The following ANKRD11 variants were observed in gnomAD, a reference collection of about 807,000 sequenced individuals.
ANKRD11 encodes ankyrin repeat domain 11.
Under a neutral mutation model 195.7 loss-of-function variants are expected in ANKRD11, and 17 were observed. The observed-to-expected ratio is 0.09, with a 90% CI of 0.06 to 0.13. The LOEUF (loss-of-function observed/expected upper bound fraction) is 0.13, where lower values mean the gene tolerates loss of function less well. ANKRD11 is among the 10% of genes least tolerant of loss of function. The pLI, the probability that ANKRD11 is intolerant of heterozygous loss-of-function variation, is 1.00. For missense variants in ANKRD11, 3,735 were observed against 3,566.1 expected, an observed-to-expected ratio of 1.05 and a Z score of -1.21; for synonymous variants, 1,953 against 1,528.1, an observed-to-expected ratio of 1.28 and a Z score of -6.49.
intron 7 of ANKRD11, 106 bp from the exon 8 acceptor site, chr16:89,286,292 A>C: frequency 6.7e-7 from 1 of 1,495,634 alleles, no homozygotes; most frequent in South Asian, 1.1e-5. Flanking sequence ...GTTCGACCCG[A>C]GAGCAGCCCC....
intron 11 of ANKRD11, chr16:89,272,854 G>A (rs995585358): frequency 2.6e-5 from 4 of 152,116 alleles, no homozygotes; most frequent in African/African-American, 7.2e-5. Context: ...TTGCAAACAC[G>A]TGGATGGAAC....
intron 11 of ANKRD11, chr16:89,272,408 A>AC (rs2033242171): frequency 6.6e-6 from 1 of 152,374 alleles, no homozygotes; most frequent in Non-Finnish European, 1.5e-5. Flanking sequence ...GACCCAAAAG[A>AC]AAGAAACTGG....
Position 89,326,861 on chromosome 16 carries a change from G to C in ANKRD11, c.-59-9783C>G, listed in dbSNP as rs8051745. On this transcript the variant is annotated intron_variant, in intron 2 of 12. Transcript: ENST00000301030. ...GCTTAACACAAAGCCTGCCCGCCAGGGGCTGCTGGTGGCATCCGGGCACAT... is the reference window on the plus strand; with the variant it reads ...GCTTAACACAAAGCCTGCCCGCCAGCGGCTGCTGGTGGCATCCGGGCACAT... 1.3e-3 allele frequency among the ~76,000 whole-genome samples: 204 copies of C among 152,322 alleles called. 1 individual carries two copies. Among genetic ancestry groups the C allele is most frequent in the African/African-American group, 4.7e-3 (195 of 41,574 alleles).
chr16:89,283,097 G>A lies in ANKRD11; in HGVS notation c.3445C>T (p.Leu1149Phe). 1.2e-6 allele frequency: 2 copies of A among 1,613,940 alleles called. No individual in the cohort carries two copies. Among genetic ancestry groups the A allele is most frequent in the Admixed American group, 1.7e-5 (1 of 60,024 alleles). The part of the protein sequence containing the change: ...EASDLPRTDG[L>F]QEKEEGREAY... ...TCCCGTCCTTCCTCCTTCTCCTGGA[G>A]GCCGTCCGTCCTCGGCAAGTCGCTG... is the stretch of plus-strand genomic sequence containing the variant. Residue 1149 changes from leucine to phenylalanine, a missense_variant, in exon 9 of 13, where the codon CTC becomes TTC. Physicochemically the swap from Leu to Phe is conservative, Grantham distance 22 (BLOSUM62 0). Transcript: ENST00000301030. The surrounding 1 kb of genome is among the most constrained non-coding windows in gnomAD (Gnocchi z 4.3).
intron 2 of ANKRD11, among the ~76,000 whole-genome samples, chr16:89,414,879 G>A (rs1195859955): frequency 6.6e-6 from 1 of 152,166 alleles, no homozygotes; most frequent in African/African-American, 2.4e-5. Context: ...CCACCCCAAG[G>A]AATCAAAGTG....
chr16:89,346,899 G>A (rs550220408), intron 2 of ANKRD11, among the ~76,000 whole-genome samples: 2 of 152,314 alleles, frequency 1.3e-5, no homozygotes, highest in South Asian at 4.1e-4. Flanking sequence ...AAAGTCAAAG[G>A]TGAGTTTTAT....
chr16:89,335,255 AC>A (rs1260547761), intron 2 of ANKRD11, among the ~76,000 whole-genome samples: 1 of 151,778 alleles, frequency 6.6e-6, no homozygotes, highest in Non-Finnish European at 1.5e-5. Flanking sequence ...GCCTCACACC[AC>A]CCCTGTTCCC....
chr16:89,402,476 T>A (rs1834067038), intron 2 of ANKRD11, among the ~76,000 whole-genome samples: 2 of 151,904 alleles, frequency 1.3e-5, no homozygotes, highest in South Asian at 4.2e-4. Context: ...CTCCAAGAGT[T>A]CAAGAGCATC....
chr16:89,320,630 C>A (rs1188160380), intron 2 of ANKRD11, among the ~76,000 whole-genome samples: 1 of 152,046 alleles, frequency 6.6e-6, no homozygotes, highest in African/African-American at 2.4e-5. Context: ...GGTGGGAGTC[C>A]CCCACACGAG....
chr16:89,486,447 CAA>C (rs113833196), intron 1 of ANKRD11, among the ~76,000 whole-genome samples: 69 of 103,146 alleles, frequency 6.7e-4, no homozygotes, highest in Non-Finnish European at 5.3e-4. Flanking sequence ...GACCCTGCCT[CAA>C]AAAAAAAAAA....
Position 89,285,274 on chromosome 16 carries a change from C to T in ANKRD11, c.1268G>A (p.Gly423Glu). Residue 423 changes from glycine (G) to glutamate (E), a missense_variant, in exon 9 of 13, where the codon GGA becomes GAA. Coordinates refer to ENST00000301030, the MANE Select transcript of ANKRD11 (RefSeq NM_013275.6). The surrounding 1 kb of genome is among the most constrained non-coding windows in gnomAD (Gnocchi z 5.6). Reference protein sequence around the residue: ...EEDASVTVGTGEKLRLSAHTI... With the variant: ...EEDASVTVGTEEKLRLSAHTI... ...ATGTGCCGAGAGTCTCAGCTTCTCT[C>T]CTGTCCCCACGGTGACACTCGCGTC... 1 of 1,613,944 alleles carries T rather than the reference C, an allele frequency of 6.2e-7. No homozygotes were observed. The highest frequency in any genetic ancestry group is 8.5e-7 in the Non-Finnish European group (1 of 1,180,038).
chr16:89,273,696 A>T lies in ANKRD11; in HGVS notation c.7713+1118T>A, dbSNP rs1310988649. On this transcript the variant is annotated intron_variant, in intron 11 of 12. Transcript: ENST00000301030. ...TGGCAACAGAGCGAGACTCCGTCACAAAAAAAAAAAGGAAAATAAAATTTG... is the reference window on the plus strand; with the variant it reads ...TGGCAACAGAGCGAGACTCCGTCACTAAAAAAAAAAGGAAAATAAAATTTG... Among the ~76,000 whole-genome samples the T allele has an allele frequency of 7.7e-5, 10 of 129,308 alleles. No homozygotes were observed. In the East Asian group the frequency reaches 2.0e-3, roughly 25 times the overall value. 84.8% of individuals were successfully genotyped at this position (129,308 alleles called of 152,430 possible). A position where few individuals can be genotyped will look rare whatever the true frequency, so the allele number is the denominator to read the frequency against.
At chr16:89,315,535 CGT>C (rs900603589) in intron 3 of ANKRD11, among the ~76,000 whole-genome samples, 7 of 152,202 alleles carry the variant, frequency 4.6e-5, no homozygotes, top group Non-Finnish European at 7.3e-5. Context: ...TTCACACACA[CGT>C]GTGTCCCCGC....
At chr16:89,417,660 A>G (rs1043462530) in intron 2 of ANKRD11, among the ~76,000 whole-genome samples, 1 of 152,220 alleles carries the variant, frequency 6.6e-6, no homozygotes, top group Non-Finnish European at 1.5e-5. Context: ...TAGAGGGTTC[A>G]GCAACAGCAC....
rs959720692 is a variant in ANKRD11 at position 89,281,896 on chromosome 16, C to T, written c.4646G>A (p.Ser1549Asn). The T allele has an allele frequency of 6.2e-7, 1 of 1,613,600 alleles. No individual in the cohort carries two copies. Among genetic ancestry groups the T allele is most frequent in the African/African-American group, 1.3e-5 (1 of 74,912 alleles). Reference protein sequence around the residue: ...EKEKGDPVKMSNGNDKVAPSK... With the variant: ...EKEKGDPVKMNNGNDKVAPSK... ...TGGCGCTACCTTATCATTCCCGTTG[C>T]TCATCTTCACTGGGTCGCCCTTTTC... Residue 1549 changes from serine to asparagine, a missense_variant, in exon 9 of 13, where the codon AGC becomes AAC. Ser to Asn is a conservative substitution (Grantham distance 46). Transcript: ENST00000301030. The surrounding 1 kb of genome is among the most constrained non-coding windows in gnomAD (Gnocchi z 5.5).
chr16:89,490,104 C>T (rs1427106806), intron 1 of ANKRD11, 141 bp downstream of exon 1: 1 of 142,240 alleles, frequency 7.0e-6, no homozygotes, highest in African/African-American at 2.6e-5. Flanking sequence ...AAGACCCCCG[C>T]CCACCCGGCC....
intron 9 of ANKRD11, chr16:89,277,793 C>G (rs62070780): frequency 0.1 from 15,962 of 152,856 alleles, 1,137 homozygotes; most frequent in East Asian, 0.37. Context: ...GCACAACGTC[C>G]CTGACATGTC....
intron 1 of ANKRD11, among the ~76,000 whole-genome samples, chr16:89,483,253 G>A (rs759367918): frequency 2.6e-5 from 4 of 152,148 alleles, no homozygotes; most frequent in African/African-American, 4.8e-5. Context: ...AAACTTCACC[G>A]TACCATTAGC....
rs1036971763 is a variant in ANKRD11 at position 89,474,591 on chromosome 16, T to C, written c.-145+15654A>G. On this transcript the variant is annotated intron_variant, in intron 1 of 12. Transcript: ENST00000301030. ...CTGGTTGCCAGAAAGGCAGCACAGG[T>C]CACTCTTCAGAACTCCAAATGCTCT... Among the ~76,000 whole-genome samples, 3 of 152,144 alleles carry C rather than the reference T, an allele frequency of 2.0e-5. No homozygotes were observed. The East Asian group carries it at 5.8e-4, about 29-fold the overall frequency.
Sources: allele counts gnomAD v4.1 joint callset (sites outside exome capture counted in the v4.1 genomes callset), GRCh38; gene constraint gnomAD v4.1.1; non-coding constraint Gnocchi (gnomAD v3.1); transcripts MANE v1.5; gene names NCBI Gene and HGNC (gene_info 2026-07-23, HGNC 2026-07-21).